Variants in UPB1 observed in about 807,000 individuals in gnomAD.
The protein encoded by UPB1 is beta-ureidopropionase.
UPB1 carries 40 observed loss-of-function variants against 49.1 expected under a neutral mutation model. That is an observed-to-expected ratio of 0.81 (90% CI 0.63 to 1.06). UPB1 has a LOEUF of 1.06. UPB1 is among the 50% of genes least tolerant of loss of function. The pLI is 0.00. For synonymous variants in UPB1, 207 were observed against 198.2 expected (o/e 1.04, Z -0.38); for missense variants, 499 against 505.9 (o/e 0.99, Z 0.13).
At chr22:24,519,901 C>T (rs2044357100) in intron 6 of UPB1, 4 of 259,436 alleles carry the variant, frequency 1.5e-5, no homozygotes, top group Admixed American at 1.0e-4. Context: ...TTCTGGCATT[C>T]ACCAGGAGAG....
intron 4 of UPB1, among the ~76,000 whole-genome samples, chr22:24,511,618 A>T (rs13056367): frequency 0.58 from 71,140 of 121,608 alleles, 21,463 homozygotes; most frequent in Non-Finnish European, 0.65. Flanking sequence ...ATATATATAT[A>T]TTTTTTTTTT....
intron 7 of UPB1, 139 bp downstream of exon 7, chr22:24,520,607 A>G (rs1462063523): frequency 3.1e-6 from 3 of 954,836 alleles, no homozygotes; most frequent in Non-Finnish European, 4.8e-6. Context: ...ACTTTTCAAG[A>G]TATCTCTGTC....
intron 7 of UPB1, 34 bp downstream of exon 7, chr22:24,520,502 AC>A (rs747195732): frequency 6.2e-7 from 1 of 1,609,588 alleles, no homozygotes; most frequent in Non-Finnish European, 8.5e-7. Context: ...GAGAGGAGCC[AC>A]CACCTGGTGG....
At chr22:24,519,263 A>G (rs541061204) in intron 6 of UPB1, among the ~76,000 whole-genome samples, 1 of 152,150 alleles carries the variant, frequency 6.6e-6, no homozygotes, top group African/African-American at 2.4e-5. Flanking sequence ...GGCTTATGAC[A>G]AGCACCCACC....
intron 3 of UPB1, among the ~76,000 whole-genome samples, chr22:24,509,396 A>AG (rs2044154983): frequency 7.6e-6 from 1 of 131,116 alleles, no homozygotes; most frequent in Non-Finnish European, 1.6e-5. Context: ...AAAAAAAAAA[A>AG]GCAAAAACCA....
intron 3 of UPB1, among the ~76,000 whole-genome samples, chr22:24,504,635 T>C (rs914175727): frequency 6.6e-6 from 1 of 151,956 alleles, no homozygotes; most frequent in Non-Finnish European, 1.5e-5. Context: ...TTCATTATTT[T>C]CCCCTCTTTT....
At chr22:24,511,541 T>A (rs1444408976) in intron 4 of UPB1, among the ~76,000 whole-genome samples, 1 of 151,862 alleles carries the variant, frequency 6.6e-6, no homozygotes, top group Non-Finnish European at 1.5e-5. Flanking sequence ...TTCTGCTGTT[T>A]CCCACCTCTC....
At position 24,515,355 on chromosome 22, in the gene UPB1, C is replaced by T. The variant is rs764880194; in HGVS notation, c.776C>T (p.Thr259Met). The T allele has an allele frequency of 2.6e-5, 42 of 1,613,976 alleles. No individual in the cohort carries two copies. The highest frequency in any genetic ancestry group is 3.1e-5 in the Non-Finnish European group (37 of 1,179,998). ...GAEIIFNPSA[T>M]IGALSESLWP... is the part of the protein sequence containing the mutation. ...GAGATCATCTTCAACCCCTCGGCCA[C>T]GATAGGAGCACTCAGGTCACTCAGT... Residue 259 changes from threonine to methionine, a missense_variant, in exon 6 of 10, where the codon ACG becomes ATG. Thr to Met is a moderately conservative substitution (Grantham distance 81). Coordinates refer to ENST00000326010, the MANE Select transcript of UPB1 (RefSeq NM_016327.3).
chr22:24,520,435 CT>C lies in UPB1; in HGVS notation c.841del (p.Cys281AlafsTer58). The C allele has an allele frequency of 7.4e-6, 12 of 1,614,220 alleles. No individual in the cohort carries two copies. Among genetic ancestry groups the C allele is most frequent in the Non-Finnish European group, 1.0e-5 (12 of 1,180,048 alleles). On this transcript the variant is annotated frameshift_variant, in exon 7 of 10. Transcript: ENST00000326010. LOFTEE classifies it high-confidence loss of function. ...EARNAAIANH[C>X]FTCAINRVGT... The stretch of plus-strand genomic sequence containing the variant: ...CCAGAAACGCAGCCATTGCCAATCA[CT>C]GCTTCACCTGCGCCATCAATCGAGT...
At position 24,500,280 on chromosome 22, in the gene UPB1, T is replaced by TG; in HGVS notation, c.276+3dup. ...GCAAATGCCCCTGTGGCAGAACAGG[T>TG]GCAGACTCTTTTGACCATAATAAAT... On this transcript the variant is annotated splice_region_variant and intron_variant, in intron 2 of 9. Coordinates refer to ENST00000326010, the MANE Select transcript of UPB1 (RefSeq NM_016327.3). 6.2e-7 allele frequency: 1 copy of TG among 1,613,974 alleles called. No homozygotes were observed. Among genetic ancestry groups the TG allele is most frequent in the East Asian group, 2.2e-5 (1 of 44,876 alleles).
Position 24,515,217 on chromosome 22 carries a change from AG to A in UPB1, c.641del (p.Gly214GlufsTer17), listed in dbSNP as rs2044271397. 6.2e-7 allele frequency: 1 copy of A among 1,614,122 alleles called. No individual in the cohort carries two copies. Among genetic ancestry groups the A allele is most frequent in the Non-Finnish European group, 8.5e-7 (1 of 1,180,032 alleles). On this transcript the variant is annotated frameshift_variant, in exon 6 of 10. Transcript: ENST00000326010. LOFTEE classifies it high-confidence loss of function. ...GDFNESTYYM[E>X]GNLGHPVFQT... Reference sequence around the variant, plus strand: ...GCTTTTCAGTCAACTTACTACATGGAGGGAAACCTGGGCCACCCCGTGTTCC... The same window carrying A: ...GCTTTTCAGTCAACTTACTACATGGAGGAAACCTGGGCCACCCCGTGTTCC...
intron 1 of UPB1, among the ~76,000 whole-genome samples, chr22:24,499,519 C>A (rs893237741): frequency 3.3e-5 from 5 of 152,184 alleles, no homozygotes; most frequent in African/African-American, 1.2e-4. Flanking sequence ...CATCTGAACA[C>A]CTGGGCCCCT....
Position 24,526,336 on chromosome 22 carries a change from T to C in UPB1, c.*542T>C, listed in dbSNP as rs775313229. On this transcript the variant is annotated 3_prime_UTR_variant, in exon 10 of 10. Transcript: ENST00000326010. The stretch of plus-strand genomic sequence containing the variant: ...AGATGTGACAGAAGTCCATTCCCAA[T>C]TGACTAAGTAAGTGAGATTATCTCA... The C allele has an allele frequency of 1.9e-5, 4 of 205,222 alleles. No individual in the cohort carries two copies. Among genetic ancestry groups the C allele is most frequent in the Non-Finnish European group, 4.1e-5 (4 of 98,578 alleles). The allele number at this position is 205,222 out of a possible 1,614,324, so 12.7% of individuals were successfully genotyped here.
chr22:24,524,680 G>T (rs572023145), intron 9 of UPB1, among the ~76,000 whole-genome samples: 1 of 152,182 alleles, frequency 6.6e-6, no homozygotes, highest in East Asian at 1.9e-4. Flanking sequence ...TATAGAGACC[G>T]AGTCTCACTA....
intron 6 of UPB1, among the ~76,000 whole-genome samples, chr22:24,519,194 C>T (rs2044346276): frequency 6.6e-6 from 1 of 151,980 alleles, no homozygotes; most frequent in Non-Finnish European, 1.5e-5. Context: ...AAAATGAGTC[C>T]CCTCAATCAA....
In UPB1 at chr22:24,526,006, G is replaced by A. The variant is rs995228014; in HGVS notation, c.*212G>A. The A allele has an allele frequency of 3.2e-6, 2 of 615,932 alleles. No homozygotes were observed. Among genetic ancestry groups the A allele is most frequent in the Admixed American group, 5.2e-5 (2 of 38,710 alleles). 38.2% of individuals were successfully genotyped at this position (615,932 alleles called of 1,614,324 possible). ...GGTATTGGAAATGTTTGGGGACTAG[G>A]TAGAGGTGAATGTACTAAATGCCAC... On this transcript the variant is annotated 3_prime_UTR_variant, in exon 10 of 10. Transcript: ENST00000326010.
At chr22:24,497,661 G>A (rs539191749) in intron 1 of UPB1, among the ~76,000 whole-genome samples, 1 of 152,318 alleles carries the variant, frequency 6.6e-6, no homozygotes, top group South Asian at 2.1e-4. Flanking sequence ...CCAACTACAG[G>A]GACCAGGGCA....
chr22:24,512,296 G>A (rs561045037), intron 4 of UPB1, among the ~76,000 whole-genome samples: 1 of 152,264 alleles, frequency 6.6e-6, no homozygotes, highest in Admixed American at 6.5e-5. Context: ...CCTCCACAGG[G>A]ACCTGAGGCT....
intron 3 of UPB1, among the ~76,000 whole-genome samples, chr22:24,507,187 C>CT (rs2044106259): frequency 6.6e-6 from 1 of 152,220 alleles, no homozygotes. Context: ...TGACTCACTC[C>CT]TAATGCTCTG....
Sources: allele counts gnomAD v4.1 joint callset (sites outside exome capture counted in the v4.1 genomes callset), GRCh38; gene constraint gnomAD v4.1.1; transcripts MANE v1.5; gene names NCBI Gene and HGNC (gene_info 2026-07-23, HGNC 2026-07-21).